SARS1: variants seen among roughly 807,000 people sequenced by gnomAD.
SARS1 encodes seryl-tRNA synthetase 1, also known as serine--tRNA ligase, cytoplasmic.
A neutral mutation model predicts 63.7 loss-of-function variants in SARS1; 25 were observed. The ratio of observed to expected loss-of-function variants is 0.39; its 90% CI spans 0.29 to 0.55. The LOEUF is 0.55. Ranked by LOEUF, SARS1 falls within the 20% of genes least tolerant of loss-of-function variation. The pLI is 0.62. For missense variants in SARS1, 417 were observed against 649.7 expected (o/e 0.64, Z 3.89); for synonymous variants, 231 against 243.5 (o/e 0.95, Z 0.48).
intron 2 of SARS1, among the ~76,000 whole-genome samples, chr1:109,226,385 T>A (rs1370573013): frequency 6.7e-6 from 1 of 150,204 alleles, no homozygotes; most frequent in Non-Finnish European, 1.5e-5. Flanking sequence ...AGTGTCTTGC[T>A]TTGTTGCCCA....
At chr1:109,226,288 G>A (rs1269556008) in intron 2 of SARS1, among the ~76,000 whole-genome samples, 1 of 151,350 alleles carries the variant, frequency 6.6e-6, no homozygotes, top group Non-Finnish European at 1.5e-5. Flanking sequence ...TTGATTGTAT[G>A]AGAATGTGTA....
chr1:109,213,964 C>A lies in SARS1; in HGVS notation c.-29C>A. Reference sequence around the variant, plus strand: ...GAGTGCTGCGGCGCGATCCTTGCTTCCCTGAGCGTTGGCCCGGGAGGAAAG... The same window carrying A: ...GAGTGCTGCGGCGCGATCCTTGCTTACCTGAGCGTTGGCCCGGGAGGAAAG... On this transcript the variant is annotated 5_prime_UTR_variant, in exon 1 of 11. Coordinates refer to ENST00000234677, the MANE Select transcript of SARS1 (RefSeq NM_006513.4). 1 of 1,597,200 alleles carries A rather than the reference C, an allele frequency of 6.3e-7. No homozygotes were observed. The highest frequency in any genetic ancestry group is 8.5e-7 in the Non-Finnish European group (1 of 1,170,492).
intron 2 of SARS1, 104 bp downstream of exon 2, chr1:109,224,152 C>A: frequency 1.2e-6 from 1 of 841,110 alleles, no homozygotes; most frequent in Non-Finnish European, 2.0e-6. Context: ...TTTAAGTCTA[C>A]AAGATGTTCA....
In SARS1 at chr1:109,237,868, A is replaced by G. The variant is rs150617604; in HGVS notation, c.1525A>G (p.Met509Val). ...CACCCTAGAAAACAGGCTGCAGAAC[A>G]TGGAGGTCACCGATGCTTGAACATT... ...DVTLENRLQN[M>V]EVTDA The change falls in exon 11 of 11, where the codon ATG (methionine) becomes GTG (valine). Residue 509 changes from methionine to valine, a missense_variant. Physicochemically the swap from Met to Val is conservative, Grantham distance 21 (BLOSUM62 1). This residue lies in a region of SARS1 where 43 missense variants were observed against 68.1 expected (regional missense o/e 0.63). Transcript: ENST00000234677. The surrounding 1 kb of genome is among the most constrained non-coding windows in gnomAD (Gnocchi z 4.1). 2.4e-5 allele frequency: 39 copies of G among 1,614,214 alleles called. No homozygotes were observed. Among genetic ancestry groups the G allele is most frequent in the Admixed American group, 8.3e-5 (5 of 60,024 alleles).
intron 2 of SARS1, among the ~76,000 whole-genome samples, chr1:109,226,681 T>TATATAC (rs1557716880): frequency 5.5e-5 from 2 of 36,232 alleles, no homozygotes; most frequent in Non-Finnish European, 1.2e-4. Context: ...AAAAAAAATA[T>TATATAC]ATATATATAT....
At chr1:109,234,929 G>A (rs889371403) in intron 6 of SARS1, among the ~76,000 whole-genome samples, 6 of 152,190 alleles carry the variant, frequency 3.9e-5, no homozygotes, top group African/African-American at 7.2e-5. Flanking sequence ...TTGTGCCACT[G>A]CACTCCAGTC....
chr1:109,236,624 G>T, intron 9 of SARS1, 76 bp downstream of exon 9: 1 of 1,549,864 alleles, frequency 6.5e-7, no homozygotes, highest in Non-Finnish European at 8.8e-7. Context: ...AGCCTTTGGG[G>T]TGCACTGGTC....
intron 4 of SARS1, 91 bp from the exon 5 acceptor site, chr1:109,230,787 G>T: frequency 2.5e-6 from 3 of 1,181,542 alleles, no homozygotes; most frequent in Non-Finnish European, 3.5e-6. Flanking sequence ...CCTGGATGAC[G>T]GCGTAAGACC....
In SARS1 at chr1:109,215,188, TGTA is replaced by T. The variant is rs1352093954; in HGVS notation, c.136+1066_136+1068del. On this transcript the variant is annotated intron_variant, in intron 1 of 10. Transcript: ENST00000234677. ...TGATTCTATGTCTTAGGCCCTCTAT[TGTA>T]GTAGTTTGTTTGATTGTGAGATTCC... 6 of 985,342 alleles carry T rather than the reference TGTA, an allele frequency of 6.1e-6. No individual in the cohort carries two copies. In the African/African-American group the frequency reaches 1.0e-4, roughly 17 times the overall value. The allele number at this position is 985,342 out of a possible 1,614,324, so 61.0% of individuals were successfully genotyped here.
In SARS1 at chr1:109,214,813, T is replaced by C; in HGVS notation, c.136+685T>C. ...GTTTAATTGTGATTTGTGGACGTTTTCCTTTAAAGACATTGGCAGAGTTGG... is the reference window on the plus strand; with the variant it reads ...GTTTAATTGTGATTTGTGGACGTTTCCCTTTAAAGACATTGGCAGAGTTGG... On this transcript the variant is annotated intron_variant, in intron 1 of 10. Coordinates refer to ENST00000234677, the MANE Select transcript of SARS1 (RefSeq NM_006513.4). The surrounding 1 kb of genome is among the most constrained non-coding windows in gnomAD (Gnocchi z 4.6). 1.0e-6 allele frequency: 1 copy of C among 985,488 alleles called. No individual in the cohort carries two copies. Among genetic ancestry groups the C allele is most frequent in the Non-Finnish European group, 1.2e-6 (1 of 829,950 alleles). The allele number at this position is 985,488 out of a possible 1,614,324, so 61.0% of individuals were successfully genotyped here.
chr1:109,221,996 ATATATATATATATATT>A lies in SARS1; in HGVS notation c.137-1980_137-1965del, dbSNP rs1654946383. ...TATATATATATATATATATATATAT[ATATATATATATATATT>A]TTTTTTTTTTTTTTTTTTTTTTTTT... On this transcript the variant is annotated intron_variant, in intron 1 of 10. Coordinates refer to ENST00000234677, the MANE Select transcript of SARS1 (RefSeq NM_006513.4). Among the ~76,000 whole-genome samples the A allele has an allele frequency of 3.5e-3, 43 of 12,152 alleles. 1 individual carries two copies. Among genetic ancestry groups the A allele is most frequent in the Middle Eastern group, 0.056 (1 of 18 alleles). 8.0% of individuals were successfully genotyped at this position (12,152 alleles called of 152,430 possible).
intron 5 of SARS1, 38 bp downstream of exon 5, chr1:109,231,059 AAG>A (rs1655199571): frequency 1.4e-5 from 18 of 1,255,566 alleles, no homozygotes; most frequent in Non-Finnish European, 1.7e-5. Flanking sequence ...GATTATGAAA[AAG>A]AAACAAAATA....
chr1:109,226,100 C>T lies in SARS1; in HGVS notation c.207+2052C>T, dbSNP rs536938076. Among the ~76,000 whole-genome samples, 4 of 151,316 alleles carry T rather than the reference C, an allele frequency of 2.6e-5. No individual in the cohort carries two copies. In the South Asian group the frequency reaches 6.3e-4, roughly 24 times the overall value. On this transcript the variant is annotated intron_variant, in intron 2 of 10. Coordinates refer to ENST00000234677, the MANE Select transcript of SARS1 (RefSeq NM_006513.4). ...CTCAACCTCCTGGGCTCAAGCAGCC[C>T]TCCTGCCTCAGCCTCCCTAGTAGCA...
chr1:109,234,256 TC>T (rs1446501899), intron 6 of SARS1, among the ~76,000 whole-genome samples: 1 of 152,090 alleles, frequency 6.6e-6, no homozygotes, highest in Admixed American at 6.6e-5. Context: ...ACTCCTGACC[TC>T]AAGTGATCTG....
rs377485749 is a variant in SARS1 at position 109,226,879 on chromosome 1, C to T, written c.208-1473C>T. The stretch of plus-strand genomic sequence containing the variant: ...GGATTACAGTTGCAAGCCACTGTAC[C>T]TGGCTATACTTTGTTTTATTTATAC... On this transcript the variant is annotated intron_variant, in intron 2 of 10. Coordinates refer to ENST00000234677, the MANE Select transcript of SARS1 (RefSeq NM_006513.4). Among the ~76,000 whole-genome samples, 20 of 150,958 alleles carry T rather than the reference C, an allele frequency of 1.3e-4. No individual in the cohort carries two copies. The East Asian group carries it at 2.1e-3, about 16-fold the overall frequency.
intron 6 of SARS1, among the ~76,000 whole-genome samples, chr1:109,234,969 A>C (rs1012534916): frequency 6.6e-6 from 1 of 152,196 alleles, no homozygotes; most frequent in Admixed American, 6.5e-5. Context: ...CTGTCTCAAA[A>C]GCAAAAAAAA....
At chr1:109,219,595 C>T (rs969025493) in intron 1 of SARS1, among the ~76,000 whole-genome samples, 3 of 151,594 alleles carry the variant, frequency 2.0e-5, no homozygotes, top group African/African-American at 7.3e-5. Flanking sequence ...TCACTGCAAC[C>T]TCCGCCTCCC....
chr1:109,237,188 A>G lies in SARS1; in HGVS notation c.1258-56A>G, dbSNP rs1415234467. On this transcript the variant is annotated intron_variant, in intron 9 of 10. Transcript: ENST00000234677. The surrounding 1 kb of genome is among the most constrained non-coding windows in gnomAD (Gnocchi z 4.1). ...GTTGAATGGATGGTTCCTGGCCGTC[A>G]GTAAGACCCGATGAGAGTTGAGCCC... is the stretch of plus-strand genomic sequence containing the variant. The G allele has an allele frequency of 4.5e-6, 7 of 1,569,896 alleles. No homozygotes were observed. Among genetic ancestry groups the G allele is most frequent in the Non-Finnish European group, 6.0e-6 (7 of 1,161,662 alleles).
chr1:109,216,915 G>A (rs1417081206), intron 1 of SARS1: 1 of 985,134 alleles, frequency 1.0e-6, no homozygotes, highest in Non-Finnish European at 1.2e-6. Context: ...GAGTCACCAT[G>A]CCCAGGCTAA....
Sources: allele counts gnomAD v4.1 joint callset (sites outside exome capture counted in the v4.1 genomes callset), GRCh38; gene constraint gnomAD v4.1.1; regional missense constraint gnomAD v4.1.1; non-coding constraint Gnocchi (gnomAD v3.1); transcripts MANE v1.5; gene names NCBI Gene and HGNC (gene_info 2026-07-23, HGNC 2026-07-21).